Variants in ABCA13 observed in about 807,000 individuals in gnomAD.
The protein encoded by ABCA13 is ATP-binding cassette sub-family A member 13.
A neutral mutation model predicts 478.7 loss-of-function variants in ABCA13; 476 were observed. That is an observed-to-expected ratio of 0.99 (90% CI 0.92 to 1.07). ABCA13 has a LOEUF of 1.07. Among genes scored for constraint, ABCA13 ranks in the 50% least tolerant of loss-of-function variants. The pLI is 0.00. For missense variants in ABCA13, 6,060 were observed against 5,910.6 expected, an observed-to-expected ratio of 1.03 and a Z score of -0.83; for synonymous variants, 2,252 against 2,158.9, an observed-to-expected ratio of 1.04 and a Z score of -1.20.
chr7:48,250,930 A>G (rs1792456792), intron 15 of ABCA13, among the ~76,000 whole-genome samples: 1 of 152,202 alleles, frequency 6.6e-6, no homozygotes, highest in Admixed American at 6.5e-5. Flanking sequence ...GGACTTGGAC[A>G]GGAAATGGGA....
intron 58 of ABCA13, among the ~76,000 whole-genome samples, chr7:48,604,750 G>T (rs1791291747): frequency 6.6e-6 from 1 of 152,134 alleles, no homozygotes; most frequent in Non-Finnish European, 1.5e-5. Context: ...GGTCTGCTTG[G>T]TCCAGAGCTG....
chr7:48,363,492 A>G (rs1180610057), intron 31 of ABCA13, among the ~76,000 whole-genome samples: 1 of 151,756 alleles, frequency 6.6e-6, no homozygotes, highest in Non-Finnish European at 1.5e-5. Flanking sequence ...AATTTTTTTT[A>G]ATGGAGACTC....
intron 28 of ABCA13, 79 bp from the exon 29 acceptor site, chr7:48,338,286 T>C (rs1806583931): frequency 3.7e-6 from 4 of 1,075,574 alleles, no homozygotes; most frequent in South Asian, 5.3e-5. Flanking sequence ...TAATGAAACT[T>C]TGAATAAGTC....
intron 31 of ABCA13, among the ~76,000 whole-genome samples, chr7:48,366,652 A>T (rs1811720152): frequency 6.6e-6 from 1 of 152,044 alleles, no homozygotes. Context: ...CATGAGAGGC[A>T]ACCCTGCTTC....
chr7:48,349,153 A>AC (rs1472750545), intron 29 of ABCA13, among the ~76,000 whole-genome samples: 1 of 152,264 alleles, frequency 6.6e-6, no homozygotes, highest in Non-Finnish European at 1.5e-5. Context: ...ACTGACACTC[A>AC]TACAGTGACA....
rs1351803538 is a variant in ABCA13, at chr7:48,272,335, A to G, written c.2669A>G (p.Asp890Gly). 1 of 1,613,742 alleles carries G rather than the reference A, an allele frequency of 6.2e-7. No homozygotes were observed. The highest frequency in any genetic ancestry group is 2.2e-5 in the East Asian group (1 of 44,862). Residue 890 changes from aspartate (D) to glycine (G), a missense_variant, in exon 17 of 62, where the codon GAT (aspartate) becomes GGT (glycine). Asp to Gly is a moderately conservative substitution (Grantham distance 94). This residue lies in a region of ABCA13 where 4,423 missense variants were observed against 4,309.1 expected (regional missense o/e 1.03). Transcript: ENST00000435803. Reference sequence around the variant, plus strand: ...CCTAAATCACCAGCTATGAACATAGATTTTGTACGTTTAAGTGAGGCTATA... The same window carrying G: ...CCTAAATCACCAGCTATGAACATAGGTTTTGTACGTTTAAGTGAGGCTATA... ...DWPKSPAMNI[D>G]FVRLSEAIIT... is the part of the protein sequence containing the mutation.
chr7:48,393,975 T>C (rs1415397658), intron 38 of ABCA13, among the ~76,000 whole-genome samples: 1 of 152,134 alleles, frequency 6.6e-6, no homozygotes, highest in Non-Finnish European at 1.5e-5. Flanking sequence ...TTTGGCTCAC[T>C]TCTGCAAAGC....
intron 8 of ABCA13, among the ~76,000 whole-genome samples, chr7:48,235,017 G>T (rs1019961424): frequency 9.9e-5 from 15 of 152,178 alleles, no homozygotes; most frequent in African/African-American, 3.4e-4. Context: ...TTTGTGTTCA[G>T]ACTGTTGCTT....
At chr7:48,201,905 C>A (rs1221953379) in intron 3 of ABCA13, among the ~76,000 whole-genome samples, 1 of 152,040 alleles carries the variant, frequency 6.6e-6, no homozygotes, top group South Asian at 2.1e-4. Context: ...TCCGGAGTTT[C>A]TTCCTTCTGG....
intron 27 of ABCA13, among the ~76,000 whole-genome samples, chr7:48,328,701 T>G (rs1804703920): frequency 6.6e-6 from 1 of 151,912 alleles, no homozygotes; most frequent in African/African-American, 2.4e-5. Flanking sequence ...AATAGCACAT[T>G]AGAACATGAG....
intron 26 of ABCA13, among the ~76,000 whole-genome samples, chr7:48,316,721 C>A (rs1207217254): frequency 1.3e-5 from 2 of 152,152 alleles, no homozygotes; most frequent in African/African-American, 4.8e-5. Flanking sequence ...CAGGCTGTTT[C>A]CACTCATGGC....
intron 59 of ABCA13, among the ~76,000 whole-genome samples, chr7:48,635,811 G>T (rs530833755): frequency 6.6e-6 from 1 of 152,274 alleles, no homozygotes; most frequent in Admixed American, 6.5e-5. Context: ...GACTATTACT[G>T]TTCTTACTCA....
chr7:48,240,857 G>T lies in ABCA13; in HGVS notation c.1063-10G>T. The T allele has an allele frequency of 1.3e-6, 2 of 1,486,156 alleles. No homozygotes were observed. Among genetic ancestry groups the T allele is most frequent in the South Asian group, 1.5e-5 (1 of 66,888 alleles). The allele number at this position is 1,486,156 out of a possible 1,614,324, so 92.1% of individuals were successfully genotyped here. On this transcript the variant is annotated splice_polypyrimidine_tract_variant and intron_variant, in intron 9 of 61. Transcript: ENST00000435803. ...TATTAATGCTAGTATTTTGGTTTCC[G>T]AATTTGTAGGTGTTTGTTCAGTGGC...
chr7:48,229,679 A>G (rs1363183886), intron 6 of ABCA13, 146 bp from the exon 7 acceptor site: 2 of 907,842 alleles, frequency 2.2e-6, no homozygotes, highest in Non-Finnish European at 3.4e-6. Context: ...TTAAAGCCAC[A>G]AAGAATGCTG....
chr7:48,483,781 A>C (rs542231828), intron 47 of ABCA13, among the ~76,000 whole-genome samples: 2 of 152,254 alleles, frequency 1.3e-5, no homozygotes, highest in African/African-American at 2.4e-5. Context: ...TAAGGAAAAA[A>C]GTCAACACTA....
intron 55 of ABCA13, among the ~76,000 whole-genome samples, chr7:48,534,910 T>A (rs1053973330): frequency 3.9e-5 from 6 of 152,146 alleles, no homozygotes; most frequent in African/African-American, 1.4e-4. Context: ...TCCTTCCATG[T>A]CCTGTATTAT....
At position 48,410,649 on chromosome 7, in the gene ABCA13, A is replaced by G. The variant is rs767636124; in HGVS notation, c.12200A>G (p.Gln4067Arg). The stretch of plus-strand genomic sequence containing the variant: ...TTCTGCCTGAAGGAGGCATATGGCC[A>G]GGGGCTCCGCCTGACACTCACGAGG... ...PPFCLKEAYG[Q>R]GLRLTLTRQP... The change falls in exon 40 of 62, where the codon CAG (glutamine) becomes CGG (arginine). Residue 4067 changes from glutamine to arginine, a missense_variant. Coordinates refer to ENST00000435803, the MANE Select transcript of ABCA13 (RefSeq NM_152701.5). 9.9e-6 allele frequency: 16 copies of G among 1,613,962 alleles called. 1 individual carries two copies. In the South Asian group the frequency reaches 1.5e-4, roughly 16 times the overall value.
intron 8 of ABCA13, among the ~76,000 whole-genome samples, chr7:48,235,685 A>G (rs1390854445): frequency 1.3e-5 from 2 of 152,170 alleles, no homozygotes; most frequent in African/African-American, 2.4e-5. Flanking sequence ...GGGGGAGGAA[A>G]AATTCTTTTT....
chr7:48,577,573 G>T (rs1007762100), intron 55 of ABCA13, among the ~76,000 whole-genome samples: 2 of 152,048 alleles, frequency 1.3e-5, no homozygotes, highest in Admixed American at 6.6e-5. Context: ...ATCATTGAAA[G>T]AAATTGAATC....
Sources: allele counts gnomAD v4.1 joint callset (sites outside exome capture counted in the v4.1 genomes callset), GRCh38; gene constraint gnomAD v4.1.1; regional missense constraint gnomAD v4.1.1; transcripts MANE v1.5; gene names NCBI Gene and HGNC (gene_info 2026-07-23, HGNC 2026-07-21).